The following CXADR variants were observed in gnomAD, a reference collection of about 807,000 sequenced individuals.
CXADR encodes coxsackievirus and adenovirus receptor.
Under a neutral mutation model 40.3 loss-of-function variants are expected in CXADR, and 20 were observed. That is an observed-to-expected ratio of 0.50 (90% CI 0.35 to 0.72). The LOEUF is 0.72. Among genes scored for constraint, CXADR ranks in the 30% least tolerant of loss-of-function variants. The pLI, the probability that CXADR is intolerant of heterozygous loss-of-function variation, is 0.01. For missense variants in CXADR, 332 were observed against 449.1 expected (o/e 0.74, Z 2.36); for synonymous variants, 150 against 161.3 (o/e 0.93, Z 0.53).
chr21:17,578,158 T>A (rs2061335121), intron 7 of CXADR, among the ~76,000 whole-genome samples: 1 of 152,202 alleles, frequency 6.6e-6, no homozygotes, highest in Non-Finnish European at 1.5e-5. Flanking sequence ...GATTGCTGGA[T>A]CATAGGGTAG....
downstream of CXADR, among the ~76,000 whole-genome samples, chr21:17,573,198 T>A (rs2061293115): frequency 6.6e-6 from 1 of 152,086 alleles, no homozygotes; most frequent in Admixed American, 6.6e-5. Context: ...TCCATTTTTT[T>A]AAGGACACCA....
Position 17,565,863 on chromosome 21 carries a change from A to T in CXADR, c.*171A>T. 7.7e-7 allele frequency: 1 copy of T among 1,291,080 alleles called. No homozygotes were observed. The highest frequency in any genetic ancestry group is 2.9e-5 in the East Asian group (1 of 34,464). 80.0% of individuals were successfully genotyped at this position (1,291,080 alleles called of 1,614,324 possible). ...AATTTTTGTTTGGTTATATCGAAAT[A>T]GTTACAGGCACTAAAGTTAGTAAAG... is the stretch of plus-strand genomic sequence containing the variant. On this transcript the variant is annotated 3_prime_UTR_variant, in exon 7 of 7. Transcript: ENST00000284878.
At chr21:17,610,051 A>T in the CXADR span, among the ~76,000 whole-genome samples, 1 of 152,222 alleles carries the variant, frequency 6.6e-6, no homozygotes, top group Non-Finnish European at 1.5e-5. Flanking sequence ...AATACATCAC[A>T]CTAAGGGAAA....
chr21:17,605,090 A>G, the CXADR span: 3 of 1,377,296 alleles, frequency 2.2e-6, no homozygotes, highest in Non-Finnish European at 9.8e-7. Flanking sequence ...GAGTAATAAA[A>G]TAGTAATAAA....
chr21:17,593,883 T>C, downstream of CXADR: 2 of 616,256 alleles, frequency 3.2e-6, no homozygotes, highest in Non-Finnish European at 5.2e-6. Context: ...GGCACTTGAC[T>C]AACTTTAATA....
At chr21:17,562,252 G>A (rs1480060749) in intron 6 of CXADR, among the ~76,000 whole-genome samples, 2 of 152,196 alleles carry the variant, frequency 1.3e-5, no homozygotes, top group African/African-American at 4.8e-5. Context: ...ATGACTGGTG[G>A]CTGATCAGGA....
intron 7 of CXADR, among the ~76,000 whole-genome samples, chr21:17,582,394 A>G (rs115178518): frequency 0.011 from 1,717 of 152,190 alleles, 34 homozygotes; most frequent in African/African-American, 0.039. Flanking sequence ...GACTGTTTGT[A>G]TTTGCCCTTT....
intron 1 of CXADR, among the ~76,000 whole-genome samples, chr21:17,534,100 ATTT>A (rs1157117899): frequency 4.2e-4 from 25 of 60,052 alleles, no homozygotes; most frequent in African/African-American, 1.7e-3. Flanking sequence ...ATATATATAT[ATTT>A]TTTTTTTTTT....
chr21:17,553,130 C>T (rs2060990278), intron 3 of CXADR, among the ~76,000 whole-genome samples: 1 of 152,096 alleles, frequency 6.6e-6, no homozygotes, highest in Admixed American at 6.5e-5. Flanking sequence ...ACCATGTTGG[C>T]CAGGCTGGTC....
At chr21:17,514,444 G>C (rs2060432790) in intron 1 of CXADR, among the ~76,000 whole-genome samples, 1 of 151,958 alleles carries the variant, frequency 6.6e-6, no homozygotes, top group African/African-American at 2.4e-5. Flanking sequence ...TAAGCCTTCC[G>C]GAGAAGATGA....
At chr21:17,573,533 A>G (rs1691324), downstream of CXADR, among the ~76,000 whole-genome samples, 32,557 of 152,122 alleles carry the variant, frequency 0.21, 4,868 homozygotes, top group African/African-American at 0.43. Flanking sequence ...GCCTCTGCCT[A>G]CCCCAGGAAT....
At chr21:17,538,229 T>A (rs1249290528) in intron 1 of CXADR, among the ~76,000 whole-genome samples, 1 of 151,964 alleles carries the variant, frequency 6.6e-6, no homozygotes, top group African/African-American at 2.4e-5. Flanking sequence ...TCAGATCTCC[T>A]GACCTCGTGA....
At chr21:17,547,906 T>C (rs1298180639) in intron 2 of CXADR, among the ~76,000 whole-genome samples, 1 of 152,168 alleles carries the variant, frequency 6.6e-6, no homozygotes, top group African/African-American at 2.4e-5. Flanking sequence ...AATAAGAGTC[T>C]AATGTAGAAA....
At position 17,565,634 on chromosome 21, in the gene CXADR, G is replaced by A. The variant is rs757117044; in HGVS notation, c.1040G>A (p.Arg347Gln). ...PAKVAAPNLS[R>Q]MGAIPVMIPA... The stretch of plus-strand genomic sequence containing the variant: ...AAGGTAGCTGCCCCTAATCTAAGTC[G>A]AATGGGTGCGATTCCTGTGATGATT... Residue 347 changes from arginine (R) to glutamine (Q), a missense_variant, in exon 7 of 7, where the codon CGA becomes CAA. Arg to Gln is a conservative substitution (Grantham distance 43). This residue lies in a region of CXADR where 150 missense variants were observed against 194.2 expected (regional missense o/e 0.77). Coordinates refer to ENST00000284878, the MANE Select transcript of CXADR (RefSeq NM_001338.5). 3.1e-6 allele frequency: 5 copies of A among 1,612,118 alleles called. No individual in the cohort carries two copies. Among genetic ancestry groups the A allele is most frequent in the East Asian group, 4.5e-5 (2 of 44,872 alleles).
At chr21:17,622,603 C>G in the CXADR span, among the ~76,000 whole-genome samples, 1 of 151,504 alleles carries the variant, frequency 6.6e-6, no homozygotes, top group Non-Finnish European at 1.5e-5. Flanking sequence ...GGTTTTTTTT[C>G]CAGAAGGAAA....
At chr21:17,540,403 G>T (rs183514104) in intron 1 of CXADR, among the ~76,000 whole-genome samples, 1 of 151,972 alleles carries the variant, frequency 6.6e-6, no homozygotes, top group African/African-American at 2.4e-5. Flanking sequence ...AATTTCATTC[G>T]ATGATTGTAT....
intron 1 of CXADR, among the ~76,000 whole-genome samples, chr21:17,526,277 G>T (rs184697188): frequency 5.9e-5 from 9 of 152,228 alleles, no homozygotes; most frequent in Non-Finnish European, 1.2e-4. Flanking sequence ...GTTCTCATGA[G>T]ATTTTACTTC....
intron 3 of CXADR, among the ~76,000 whole-genome samples, chr21:17,554,919 A>G (rs2061014778): frequency 6.6e-6 from 1 of 152,074 alleles, no homozygotes; most frequent in Admixed American, 6.5e-5. Context: ...GCATTCATTG[A>G]GCTTGTGTGT....
intron 3 of CXADR, among the ~76,000 whole-genome samples, chr21:17,555,972 G>A (rs1176797720): frequency 6.6e-6 from 1 of 152,172 alleles, no homozygotes. Flanking sequence ...GACTGGTGCA[G>A]CCACTAGCAG....
Sources: gnomAD v4.1 joint callset for allele counts (sites outside exome capture counted in the v4.1 genomes callset) on GRCh38, gnomAD v4.1.1 for gene constraint, gnomAD v4.1.1 regional missense constraint, MANE v1.5 for transcripts, NCBI Gene and HGNC (gene_info 2026-07-23, HGNC 2026-07-21) for gene names.